The following ORC3 variants were observed in gnomAD, a reference collection of about 807,000 sequenced individuals.
The protein encoded by ORC3 is origin recognition complex subunit 3.
In ORC3, 78 loss-of-function variants were observed where a neutral mutation model predicts 100.7. The observed-to-expected ratio is 0.77, with a 90% CI of 0.65 to 0.94. The LOEUF is 0.94. ORC3 is among the 40% of genes least tolerant of loss of function. The pLI is 0.00. For missense variants in ORC3, 789 were observed against 823.9 expected (o/e 0.96, Z 0.52); for synonymous variants, 295 against 289.3 (o/e 1.02, Z -0.20).
intron 13 of ORC3, among the ~76,000 whole-genome samples, chr6:87,650,236 G>T (rs1769152442): frequency 6.6e-6 from 1 of 151,742 alleles, no homozygotes; most frequent in Non-Finnish European, 1.5e-5. Flanking sequence ...TCTATTTTTT[G>T]TAGGAATGAG....
intron 9 of ORC3, among the ~76,000 whole-genome samples, chr6:87,616,961 C>G (rs963125282): frequency 6.6e-6 from 1 of 152,120 alleles, no homozygotes; most frequent in Non-Finnish European, 1.5e-5. Flanking sequence ...CCACGCCTGG[C>G]TAATTTTTGT....
chr6:87,614,453 CTT>C (rs1239388639), intron 8 of ORC3, among the ~76,000 whole-genome samples: 1 of 152,162 alleles, frequency 6.6e-6, no homozygotes, highest in East Asian at 1.9e-4. Flanking sequence ...ACGTTTGGCT[CTT>C]TGTTACTTAC....
chr6:87,631,912 C>T (rs372891009), intron 11 of ORC3, among the ~76,000 whole-genome samples: 24 of 152,214 alleles, frequency 1.6e-4, no homozygotes, highest in African/African-American at 5.5e-4. Flanking sequence ...TGTCTAATCC[C>T]GACACTTTGG....
intron 15 of ORC3, 77 bp downstream of exon 15, chr6:87,657,059 C>A: frequency 1.1e-6 from 1 of 936,260 alleles, no homozygotes; most frequent in Non-Finnish European, 1.7e-6. Context: ...ATTAACTCTG[C>A]CTGGATGTTT....
chr6:87,670,718 A>G (rs1372882270), downstream of ORC3, among the ~76,000 whole-genome samples: 1 of 152,208 alleles, frequency 6.6e-6, no homozygotes, highest in African/African-American at 2.4e-5. Context: ...AGGGTGAAAT[A>G]CATTCAAAAA....
In ORC3 at chr6:87,619,010, A is replaced by G. The variant is rs78313604; in HGVS notation, c.988-2344A>G. Among the ~76,000 whole-genome samples the G allele has an allele frequency of 8.6e-4, 131 of 152,306 alleles. 4 individuals carry two copies. In the East Asian group the frequency reaches 0.017, roughly 20 times the overall value. The stretch of plus-strand genomic sequence containing the variant: ...GGAGAAAGATTTGGACTGGAAATAG[A>G]TATTTAGGACTTATCCTTAAAAGGT... On this transcript the variant is annotated intron_variant, in intron 9 of 19. Transcript: ENST00000392844.
chr6:87,605,738 G>C (rs1778285279), intron 4 of ORC3, among the ~76,000 whole-genome samples, 179 bp from the exon 5 acceptor site: 1 of 151,912 alleles, frequency 6.6e-6, no homozygotes, highest in Non-Finnish European at 1.5e-5. Context: ...GACAAATATA[G>C]TTTATGCCTT....
chr6:87,621,536 C>G (rs777332997), intron 10 of ORC3, 49 bp downstream of exon 10: 1 of 1,294,632 alleles, frequency 7.7e-7, no homozygotes, highest in African/African-American at 1.5e-5. Flanking sequence ...GAATTTGGTA[C>G]TAAATAAGAG....
the ORC3 span, among the ~76,000 whole-genome samples, chr6:87,673,154 A>ATTT: frequency 2.6e-4 from 17 of 65,848 alleles, no homozygotes; most frequent in Non-Finnish European, 3.7e-4. Context: ...AAAAAAAAAA[A>ATTT]TTTTTTTTTT....
intron 13 of ORC3, among the ~76,000 whole-genome samples, chr6:87,646,730 T>C (rs1290142877): frequency 2.0e-5 from 3 of 152,354 alleles, no homozygotes; most frequent in East Asian, 3.9e-4. Context: ...TCTCCTTTAG[T>C]GCTTTCTCTT....
Position 87,621,976 on chromosome 6 carries a change from A to G in ORC3, c.1148A>G (p.Lys383Arg). The G allele has an allele frequency of 1.2e-6, 2 of 1,609,468 alleles. No individual in the cohort carries two copies. Among genetic ancestry groups the G allele is most frequent in the Non-Finnish European group, 1.7e-6 (2 of 1,177,088 alleles). ...TACGTGGAAAAGCAAGCTTCAGAAAAGCAAGTTGCGCTCTTGACCAATGAG... is the reference window on the plus strand; with the variant it reads ...TACGTGGAAAAGCAAGCTTCAGAAAGGCAAGTTGCGCTCTTGACCAATGAG... ...RRYVEKQASE[K>R]QVALLTNERY... The change falls in exon 11 of 20, where the codon AAG becomes AGG. Residue 383 changes from lysine to arginine, a missense_variant. Lys to Arg is a conservative substitution (Grantham distance 26). Transcript: ENST00000392844.
intron 13 of ORC3, among the ~76,000 whole-genome samples, 167 bp downstream of exon 13, chr6:87,636,653 TA>T (rs1562359563): frequency 6.6e-6 from 1 of 152,256 alleles, no homozygotes; most frequent in Non-Finnish European, 1.5e-5. Context: ...ATGATGTTTT[TA>T]ATATAGCAAC....
intron 11 of ORC3, among the ~76,000 whole-genome samples, chr6:87,624,800 C>A (rs748148858): frequency 6.6e-6 from 1 of 152,060 alleles, no homozygotes; most frequent in Non-Finnish European, 1.5e-5. Context: ...CCCATCAACT[C>A]GTCATTTACA....
chr6:87,616,580 G>A (rs1779167708), intron 9 of ORC3, among the ~76,000 whole-genome samples, 153 bp downstream of exon 9: 1 of 152,046 alleles, frequency 6.6e-6, no homozygotes, highest in South Asian at 2.1e-4. Context: ...CAATTCCTTT[G>A]TTACCTTGCA....
chr6:87,597,708 CACAT>C lies in ORC3; in HGVS notation c.79+3303_79+3306del, dbSNP rs540575004. ...ACACACACACACACACACACACACA[CACAT>C]ATATATATAATTTTTTTTTAAAATA... On this transcript the variant is annotated intron_variant, in intron 2 of 19. Transcript: ENST00000392844. Among the ~76,000 whole-genome samples the C allele has an allele frequency of 6.1e-3, 873 of 142,038 alleles. 9 individuals are homozygous for C. Among genetic ancestry groups the C allele is most frequent in the African/African-American group, 0.021 (790 of 37,906 alleles). The allele number at this position is 142,038 out of a possible 152,430, so 93.2% of individuals were successfully genotyped here.
intron 7 of ORC3, among the ~76,000 whole-genome samples, chr6:87,610,201 A>G (rs1778638248): frequency 2.0e-5 from 3 of 151,976 alleles, no homozygotes; most frequent in Non-Finnish European, 4.4e-5. Flanking sequence ...ATTTACTAGT[A>G]TACTTTATTT....
chr6:87,666,554 T>A (rs965464284), intron 19 of ORC3, among the ~76,000 whole-genome samples: 4 of 149,428 alleles, frequency 2.7e-5, no homozygotes, highest in Admixed American at 2.0e-4. Context: ...TTCTCCTGCC[T>A]CAGCTTCCCA....
chr6:87,617,287 G>A (rs1779225925), intron 9 of ORC3, among the ~76,000 whole-genome samples: 1 of 152,152 alleles, frequency 6.6e-6, no homozygotes, highest in African/African-American at 2.4e-5. Context: ...TGAATTGCCT[G>A]AAGCTAATTC....
the ORC3 span, among the ~76,000 whole-genome samples, chr6:87,673,773 G>A: frequency 2.0e-5 from 3 of 151,300 alleles, no homozygotes; most frequent in Non-Finnish European, 4.4e-5. Flanking sequence ...CCCGGGAGGC[G>A]GAGGTTACAG....
Sources: gnomAD v4.1 joint callset for allele counts (sites outside exome capture counted in the v4.1 genomes callset) on GRCh38, gnomAD v4.1.1 for gene constraint, MANE v1.5 for transcripts, NCBI Gene and HGNC (gene_info 2026-07-23, HGNC 2026-07-21) for gene names.